EDA: variants seen among roughly 807,000 people sequenced by gnomAD.
EDA encodes the protein ectodysplasin-A.
In EDA, 2 loss-of-function variants were observed where a neutral mutation model predicts 23.6. The observed-to-expected ratio is 0.08, with a 90% CI of 0.03 to 0.27. The LOEUF is 0.27. Among genes scored for constraint, EDA ranks in the 10% least tolerant of loss-of-function variants. The pLI is 1.00. For synonymous variants in EDA, 131 were observed against 132.0 expected, an observed-to-expected ratio of 0.99 and a Z score of 0.05; for missense variants, 229 against 324.2, an observed-to-expected ratio of 0.71 and a Z score of 2.26.
chrX:69,951,335 C>T (rs1026578398), intron 1 of EDA, among the ~76,000 whole-genome samples: 3 of 111,125 alleles, frequency 2.7e-5, no homozygotes, highest in Non-Finnish European at 1.9e-5. Flanking sequence ...CATAATCAAA[C>T]CTGTTGGCAC....
chrX:69,796,988 C>T (rs1013513263), intron 1 of EDA, among the ~76,000 whole-genome samples: 1 of 109,945 alleles, frequency 9.1e-6, no homozygotes, highest in African/African-American at 3.3e-5. Flanking sequence ...AATCTCAGAA[C>T]TTGAAAACAG....
Position 69,956,106 on chromosome X carries a change from T to A in EDA, c.397-921T>A, listed in dbSNP as rs1252030626. Among the ~76,000 whole-genome samples the A allele has an allele frequency of 2.7e-5, 3 of 111,286 alleles. No homozygotes were observed. In the Admixed American group the frequency reaches 2.9e-4, roughly 11 times the overall value. On this transcript the variant is annotated intron_variant, in intron 1 of 7. Transcript: ENST00000374552. ...GAATCTCAGAAGAGGAGAAAATAAT[T>A]GTGTACTTTGTCATGACTAACTCCC...
At chrX:69,770,485 A>G (rs1259748407) in intron 1 of EDA, among the ~76,000 whole-genome samples, 2 of 112,128 alleles carry the variant, frequency 1.8e-5, no homozygotes, top group Non-Finnish European at 1.9e-5. Flanking sequence ...TCTAATGGCT[A>G]ATGTGGCAGA....
chrX:69,694,159 T>C (rs1346413183), intron 1 of EDA, among the ~76,000 whole-genome samples: 1 of 112,156 alleles, frequency 8.9e-6, no homozygotes, highest in African/African-American at 3.2e-5. Context: ...TTTAAGGACT[T>C]GAGAAAGACC....
chrX:69,812,312 T>C (rs1017345107), intron 1 of EDA, among the ~76,000 whole-genome samples: 5 of 112,536 alleles, frequency 4.4e-5, no homozygotes, highest in African/African-American at 1.6e-4. Flanking sequence ...TGCTATGCTT[T>C]ATTTTGAAAA....
chrX:69,812,874 A>G (rs2015993138), intron 1 of EDA, among the ~76,000 whole-genome samples: 1 of 111,159 alleles, frequency 9.0e-6, no homozygotes, highest in Non-Finnish European at 1.9e-5. Context: ...GTATTTTTGG[A>G]ATTTTGGAAT....
chrX:69,802,125 GAATA>G (rs1303498315), intron 1 of EDA, among the ~76,000 whole-genome samples: 1 of 109,915 alleles, frequency 9.1e-6, no homozygotes, highest in Non-Finnish European at 1.9e-5. Flanking sequence ...ACGAGCAAGG[GAATA>G]AATAAATTAT....
rs143942164 is a variant in EDA at position 69,777,528 on chromosome X, G to A, written c.396+160824G>A. Among the ~76,000 whole-genome samples, 9 of 111,140 alleles carry A rather than the reference G, an allele frequency of 8.1e-5. No individual in the cohort carries two copies. In the East Asian group the frequency reaches 2.6e-3, roughly 32 times the overall value. On this transcript the variant is annotated intron_variant, in intron 1 of 7. Coordinates refer to ENST00000374552, the MANE Select transcript of EDA (RefSeq NM_001399.5). Reference sequence around the variant, plus strand: ...TAAAAGACTATCTAAGATCCTCTAGGTAAGTAGTGACTCACATAATTTACT... The same window carrying A: ...TAAAAGACTATCTAAGATCCTCTAGATAAGTAGTGACTCACATAATTTACT...
chrX:69,767,733 G>A (rs1260035293), intron 1 of EDA, among the ~76,000 whole-genome samples: 1 of 111,744 alleles, frequency 8.9e-6, no homozygotes, highest in Non-Finnish European at 1.9e-5. Flanking sequence ...AAAAGACAGT[G>A]GAATTGCTGG....
intron 2 of EDA, among the ~76,000 whole-genome samples, chrX:69,964,027 A>C (rs1471214593): frequency 1.8e-5 from 2 of 111,467 alleles, no homozygotes; most frequent in Non-Finnish European, 1.9e-5. Flanking sequence ...TCATAGGCCC[A>C]CCTGACCTGA....
chrX:69,670,256 G>T (rs1933844447), intron 1 of EDA: 1 of 349,492 alleles, frequency 2.9e-6, no homozygotes, highest in Non-Finnish European at 5.0e-6. Flanking sequence ...CAAGGTTTCT[G>T]CTGAGAAATC....
At chrX:69,759,915 G>A (rs2014245740) in intron 1 of EDA, among the ~76,000 whole-genome samples, 2 of 109,926 alleles carry the variant, frequency 1.8e-5, no homozygotes, top group Middle Eastern at 4.6e-3. Flanking sequence ...ACAGCGTGGT[G>A]ATTTAGAGAA....
chrX:69,646,247 A>G (rs1314493646), intron 1 of EDA, among the ~76,000 whole-genome samples: 5 of 111,276 alleles, frequency 4.5e-5, no homozygotes, highest in Non-Finnish European at 9.4e-5. Flanking sequence ...TTAATTTTCT[A>G]TCTTGATGAT....
At chrX:69,788,395 GCT>G (rs974101273) in intron 1 of EDA, among the ~76,000 whole-genome samples, 2 of 112,009 alleles carry the variant, frequency 1.8e-5, no homozygotes, top group African/African-American at 3.3e-5. Flanking sequence ...CAGTTTTTCT[GCT>G]CTGTTTTTTT....
At chrX:69,819,792 G>A (rs564975665) in intron 1 of EDA, among the ~76,000 whole-genome samples, 2 of 110,145 alleles carry the variant, frequency 1.8e-5, no homozygotes, top group African/African-American at 3.3e-5. Flanking sequence ...CTTGAAAATG[G>A]CCTTGCTGCC....
intron 1 of EDA, among the ~76,000 whole-genome samples, chrX:69,943,364 T>A (rs1397893457): frequency 8.9e-6 from 1 of 111,778 alleles, no homozygotes; most frequent in African/African-American, 3.3e-5. Context: ...GTGATCTAAG[T>A]CTTTGGTCAC....
chrX:69,809,994 G>T (rs1450058318), intron 1 of EDA, among the ~76,000 whole-genome samples: 2 of 109,788 alleles, frequency 1.8e-5, no homozygotes, highest in Non-Finnish European at 3.8e-5. Context: ...AGGTGCGGTG[G>T]CTCACACCTG....
intron 1 of EDA, among the ~76,000 whole-genome samples, chrX:69,811,453 A>G (rs2015953618): frequency 8.9e-6 from 1 of 112,350 alleles, no homozygotes; most frequent in South Asian, 3.7e-4. Flanking sequence ...AGGAGTTGGC[A>G]TATGCAGTAC....
intron 1 of EDA, among the ~76,000 whole-genome samples, chrX:69,733,936 GTAA>G (rs1451053618): frequency 1.8e-5 from 2 of 109,097 alleles, no homozygotes; most frequent in East Asian, 5.7e-4. Flanking sequence ...TTTTATCAAG[GTAA>G]TAATCGCTTC....
Sources: gnomAD v4.1 joint callset for allele counts (sites outside exome capture counted in the v4.1 genomes callset) on GRCh38, gnomAD v4.1.1 for gene constraint, MANE v1.5 for transcripts, NCBI Gene and HGNC (gene_info 2026-07-23, HGNC 2026-07-21) for gene names.